Variants in ZNF680 observed in about 807,000 individuals in gnomAD.
ZNF680 encodes the protein hypothetical protein FLJ90430.
Under a neutral mutation model 12.1 loss-of-function variants are expected in ZNF680, and 6 were observed. The ratio of observed to expected loss-of-function variants is 0.49; its 90% CI spans 0.27 to 0.98. The LOEUF is 0.98. Ranked by LOEUF, ZNF680 falls within the 50% of genes least tolerant of loss-of-function variation. The pLI is 0.12. For missense variants in ZNF680, 561 were observed against 616.3 expected, an observed-to-expected ratio of 0.91 and a Z score of 0.95; for synonymous variants, 170 against 199.3, an observed-to-expected ratio of 0.85 and a Z score of 1.24.
At chr7:64,513,426 A>G in the ZNF680 span, among the ~76,000 whole-genome samples, 3 of 152,104 alleles carry the variant, frequency 2.0e-5, no homozygotes, top group African/African-American at 7.2e-5. Flanking sequence ...AGGATATTAT[A>G]TAGTTTTTCA....
rs1791919542 is a variant in ZNF680 at position 64,527,383 on chromosome 7, T to C, written c.254-4883A>G. On this transcript the variant is annotated intron_variant, in intron 3 of 3. Transcript: ENST00000309683. ...TTTCTTTAAGCAATCATTTTAAAAA[T>C]ACATTAATTAAACTAATTAATAAAA... is the stretch of plus-strand genomic sequence containing the variant. 2.6e-5 allele frequency among the ~76,000 whole-genome samples: 4 copies of C among 152,016 alleles called. No individual in the cohort carries two copies. The South Asian group carries it at 8.3e-4, about 32-fold the overall frequency.
intron 3 of ZNF680, among the ~76,000 whole-genome samples, chr7:64,532,396 A>AAG (rs1273471860): frequency 6.6e-6 from 1 of 152,154 alleles, no homozygotes; most frequent in Non-Finnish European, 1.5e-5. Flanking sequence ...ATTAATACAA[A>AAG]AGATCATTCA....
intron 3 of ZNF680, among the ~76,000 whole-genome samples, chr7:64,527,696 C>CA (rs532949661): frequency 1.3e-3 from 175 of 132,424 alleles, no homozygotes; most frequent in Admixed American, 3.1e-3. Flanking sequence ...ACTCTGTCTC[C>CA]AAAAAAAAAA....
At chr7:64,537,261 A>G (rs1245313656) in intron 3 of ZNF680, among the ~76,000 whole-genome samples, 1 of 152,102 alleles carries the variant, frequency 6.6e-6, no homozygotes. Context: ...CCAAGGCAGA[A>G]GGATTACCTG....
At chr7:64,514,928 A>T (rs948034187), downstream of ZNF680, among the ~76,000 whole-genome samples, 2 of 152,072 alleles carry the variant, frequency 1.3e-5, no homozygotes, top group Non-Finnish European at 2.9e-5. Context: ...TTGTAATCCC[A>T]GCTACTTGGG....
At chr7:64,511,330 C>T in the ZNF680 span, among the ~76,000 whole-genome samples, 4 of 152,056 alleles carry the variant, frequency 2.6e-5, no homozygotes, top group African/African-American at 9.7e-5. Flanking sequence ...AAAGCACAGT[C>T]TCTATGGGAA....
At chr7:64,554,960 C>T (rs557902430) in intron 1 of ZNF680, among the ~76,000 whole-genome samples, 14 of 151,670 alleles carry the variant, frequency 9.2e-5, no homozygotes, top group African/African-American at 1.7e-4. Flanking sequence ...TCCCCCTCTC[C>T]GAGAAACACC....
chr7:64,549,153 T>C (rs184263131), intron 1 of ZNF680, among the ~76,000 whole-genome samples: 1 of 150,036 alleles, frequency 6.7e-6, no homozygotes, highest in Non-Finnish European at 1.5e-5. Context: ...ACAATGAAAC[T>C]GCCCTGGTGG....
chr7:64,511,480 C>A, the ZNF680 span, among the ~76,000 whole-genome samples: 1 of 151,940 alleles, frequency 6.6e-6, no homozygotes, highest in African/African-American at 2.4e-5. Context: ...TAACTGTTTA[C>A]ACCTCACACA....
At chr7:64,513,927 A>C in the ZNF680 span, among the ~76,000 whole-genome samples, 4 of 152,184 alleles carry the variant, frequency 2.6e-5, no homozygotes, top group African/African-American at 9.7e-5. Context: ...TACAGGCGTG[A>C]GCCACCACAC....
intron 3 of ZNF680, among the ~76,000 whole-genome samples, chr7:64,523,068 A>T: frequency 6.6e-6 from 1 of 152,150 alleles, no homozygotes; most frequent in East Asian, 1.9e-4. Flanking sequence ...ACACATTATT[A>T]TATAAAAATA....
At chr7:64,499,074 G>GA in the ZNF680 span, among the ~76,000 whole-genome samples, 1 of 151,826 alleles carries the variant, frequency 6.6e-6, no homozygotes, top group Non-Finnish European at 1.5e-5. Context: ...TGTTATTCCA[G>GA]AAAAAATAAT....
At chr7:64,525,464 A>T (rs1468047488) in intron 3 of ZNF680, 2 of 152,248 alleles carry the variant, frequency 1.3e-5, no homozygotes, top group Non-Finnish European at 2.9e-5. Flanking sequence ...TCACAAAAAG[A>T]CAGAGATTGT....
At chr7:64,543,032 T>C (rs1786589767) in intron 3 of ZNF680, among the ~76,000 whole-genome samples, 1 of 152,170 alleles carries the variant, frequency 6.6e-6, no homozygotes, top group Non-Finnish European at 1.5e-5. Flanking sequence ...TTTATGTCTA[T>C]GGATTGAAAG....
intron 3 of ZNF680, among the ~76,000 whole-genome samples, chr7:64,535,134 C>T (rs187616962): frequency 6.6e-6 from 1 of 151,932 alleles, no homozygotes; most frequent in African/African-American, 2.4e-5. Flanking sequence ...ACCAAACACC[C>T]TATAGAAAAA....
intron 1 of ZNF680, among the ~76,000 whole-genome samples, chr7:64,552,936 G>T (rs1787161494): frequency 1.3e-5 from 2 of 152,078 alleles, no homozygotes; most frequent in East Asian, 3.9e-4. Context: ...GACCAGCCTG[G>T]CCAACATGGC....
At chr7:64,548,786 C>T (rs963926542) in intron 1 of ZNF680, among the ~76,000 whole-genome samples, 3 of 151,826 alleles carry the variant, frequency 2.0e-5, no homozygotes, top group Admixed American at 6.6e-5. Context: ...GCTGATGACC[C>T]GATGATGTGC....
the ZNF680 span, among the ~76,000 whole-genome samples, chr7:64,506,139 T>A: frequency 2.6e-5 from 4 of 152,108 alleles, no homozygotes; most frequent in South Asian, 8.3e-4. Flanking sequence ...ATCTTGAGGA[T>A]CATGTTAGAA....
chr7:64,545,884 T>C (rs576437936), intron 1 of ZNF680, among the ~76,000 whole-genome samples: 4 of 152,184 alleles, frequency 2.6e-5, no homozygotes, highest in Non-Finnish European at 2.9e-5. Flanking sequence ...TTTTCCCCAG[T>C]AGAAATCTTG....
Sources: gnomAD v4.1 joint callset for allele counts (sites outside exome capture counted in the v4.1 genomes callset) on GRCh38, gnomAD v4.1.1 for gene constraint, MANE v1.5 for transcripts, NCBI Gene and HGNC (gene_info 2026-07-23, HGNC 2026-07-21) for gene names.